The following PAK2 variants were observed in gnomAD, a reference collection of about 807,000 sequenced individuals.
PAK2 encodes p21 (RAC1) activated kinase 2, also known as serine/threonine-protein kinase PAK 2.
A neutral mutation model predicts 65.9 loss-of-function variants in PAK2; 21 were observed. That is an observed-to-expected ratio of 0.32 (90% confidence interval 0.23 to 0.46). The LOEUF (loss-of-function observed/expected upper bound fraction) is 0.46, where lower values mean the gene tolerates loss of function less well. Ranked by LOEUF, PAK2 falls within the 20% of genes least tolerant of loss-of-function variation. The pLI, the probability that PAK2 is intolerant of heterozygous loss-of-function variation, is 1.00. For synonymous variants in PAK2, 204 were observed against 219.7 expected (o/e 0.93, Z 0.63); for missense variants, 324 against 642.6 (o/e 0.50, Z 5.36).
intron 13 of PAK2, among the ~76,000 whole-genome samples, chr3:196,824,699 A>C (rs1711771061): frequency 6.6e-6 from 1 of 152,050 alleles, no homozygotes; most frequent in Non-Finnish European, 1.5e-5. Flanking sequence ...CCCATGGAAC[A>C]ACTAGGCACG....
intron 1 of PAK2, among the ~76,000 whole-genome samples, chr3:196,776,346 G>A (rs932748717): frequency 6.6e-6 from 1 of 152,214 alleles, no homozygotes; most frequent in East Asian, 1.9e-4. Flanking sequence ...GCGTACCAAA[G>A]TATGAACCGT....
At chr3:196,764,806 A>G (rs1714101160) in intron 1 of PAK2, among the ~76,000 whole-genome samples, 1 of 149,754 alleles carries the variant, frequency 6.7e-6, no homozygotes, top group Non-Finnish European at 1.5e-5. Flanking sequence ...GCTGTGAGTC[A>G]CTGCACCGAC....
At chr3:196,823,754 C>T (rs995357250) in intron 13 of PAK2, among the ~76,000 whole-genome samples, 6 of 147,160 alleles carry the variant, frequency 4.1e-5, no homozygotes, top group African/African-American at 7.6e-5. Context: ...CCCAGCTACT[C>T]GAGAGGCTGA....
intron 13 of PAK2, among the ~76,000 whole-genome samples, chr3:196,825,621 C>T (rs956861654): frequency 6.6e-6 from 1 of 151,910 alleles, no homozygotes; most frequent in African/African-American, 2.4e-5. Flanking sequence ...CCAGCCTGGG[C>T]CACAGAGCCA....
At chr3:196,759,227 G>C (rs528602277) in intron 1 of PAK2, among the ~76,000 whole-genome samples, 3 of 152,250 alleles carry the variant, frequency 2.0e-5, no homozygotes, top group African/African-American at 7.2e-5. Flanking sequence ...TCCCAGTGAT[G>C]CTTCCACTCT....
At position 196,832,243 on chromosome 3, in the gene PAK2, A is replaced by G. The variant is rs974169563; in HGVS notation, c.*3838A>G. On this transcript the variant is annotated 3_prime_UTR_variant, in exon 15 of 15. Coordinates refer to ENST00000327134, the MANE Select transcript of PAK2 (RefSeq NM_002577.4). ...TAAGAGAACAGAAGTAATAAGAGAAACAGTTACGTGTGGAATTCAACATCT... is the reference window on the plus strand; with the variant it reads ...TAAGAGAACAGAAGTAATAAGAGAAGCAGTTACGTGTGGAATTCAACATCT... 3 of 152,152 alleles carry G rather than the reference A, an allele frequency of 2.0e-5. No individual in the cohort carries two copies. The highest frequency in any genetic ancestry group is 7.2e-5 in the African/African-American group (3 of 41,452). 9.4% of individuals were successfully genotyped at this position (152,152 alleles called of 1,614,324 possible).
chr3:196,811,590 T>C (rs911133830), intron 8 of PAK2, among the ~76,000 whole-genome samples: 2 of 151,344 alleles, frequency 1.3e-5, no homozygotes, highest in Admixed American at 6.6e-5. Flanking sequence ...GCACTGGTTT[T>C]ATGAAAGAGA....
At chr3:196,800,936 T>C (rs1358379910) in intron 2 of PAK2, among the ~76,000 whole-genome samples, 4 of 151,936 alleles carry the variant, frequency 2.6e-5, no homozygotes, top group Non-Finnish European at 5.9e-5. Context: ...AGGCATGAGC[T>C]ACTGCAGATT....
intron 1 of PAK2, among the ~76,000 whole-genome samples, chr3:196,768,810 C>T (rs968736730): frequency 1.3e-4 from 19 of 151,880 alleles, no homozygotes; most frequent in Admixed American, 8.5e-4. Flanking sequence ...GGATTACAGA[C>T]GCGTCTCATC....
chr3:196,822,898 C>T (rs1207008565), intron 13 of PAK2, among the ~76,000 whole-genome samples: 9 of 148,924 alleles, frequency 6.0e-5, no homozygotes, highest in Admixed American at 5.3e-4. Flanking sequence ...TTCTGGACCT[C>T]AGCACAGCTG....
intron 13 of PAK2, among the ~76,000 whole-genome samples, chr3:196,821,185 G>T (rs1304060193): frequency 1.3e-5 from 2 of 151,922 alleles, no homozygotes; most frequent in Non-Finnish European, 2.9e-5. Flanking sequence ...AACATTATCA[G>T]TTATTAAGGA....
Position 196,820,459 on chromosome 3 carries a change from G to T in PAK2, c.1242G>T (p.Val414=). Residue 414 remains valine (V), a synonymous_variant, in exon 13 of 15, where the codon GTG becomes GTT. Transcript: ENST00000327134. The surrounding 1 kb of genome is among the most constrained non-coding windows in gnomAD (Gnocchi z 4.6). The stretch of plus-strand genomic sequence containing the variant: ...CGCCATACTGGATGGCACCAGAGGT[G>T]GTTACACGGAAAGCTTATGGCCCTA... The part of the protein sequence containing the change: ...VGTPYWMAPE[V]VTRKAYGPKV... 3 of 1,612,934 alleles carry T rather than the reference G, an allele frequency of 1.9e-6. No homozygotes were observed. The highest frequency in any genetic ancestry group is 2.5e-6 in the Non-Finnish European group (3 of 1,179,074).
At chr3:196,758,034 C>G (rs1713826018) in intron 1 of PAK2, among the ~76,000 whole-genome samples, 1 of 152,092 alleles carries the variant, frequency 6.6e-6, no homozygotes, top group Non-Finnish European at 1.5e-5. Context: ...AAGAAAAAAC[C>G]CTTTAATTCT....
intron 1 of PAK2, among the ~76,000 whole-genome samples, chr3:196,765,395 C>T (rs970560575): frequency 1.3e-5 from 2 of 151,934 alleles, no homozygotes; most frequent in Admixed American, 6.6e-5. Flanking sequence ...AGCAATCCCC[C>T]ACCTCCGCCT....
In PAK2 at chr3:196,792,865, T is replaced by G. The variant is rs574091924; in HGVS notation, c.188-9062T>G. On this transcript the variant is annotated intron_variant, in intron 2 of 14. Coordinates refer to ENST00000327134, the MANE Select transcript of PAK2 (RefSeq NM_002577.4). ...GAGAAAAAGAGAGGAGACAGTATTG[T>G]GAAAGAGGCTTCAGTACACATTTGG... Among the ~76,000 whole-genome samples, 2 of 152,126 alleles carry G rather than the reference T, an allele frequency of 1.3e-5. 1 individual carries two copies. The highest frequency in any genetic ancestry group is 4.2e-4 in the South Asian group (2 of 4,812).
At chr3:196,811,771 T>C (rs1029336455) in intron 8 of PAK2, among the ~76,000 whole-genome samples, 22 of 152,076 alleles carry the variant, frequency 1.4e-4, no homozygotes, top group African/African-American at 5.3e-4. Flanking sequence ...TAGGGATACA[T>C]ATCTGCGTCC....
intron 2 of PAK2, among the ~76,000 whole-genome samples, chr3:196,798,161 A>G (rs879901445): frequency 1.3e-5 from 2 of 152,188 alleles, no homozygotes; most frequent in Non-Finnish European, 2.9e-5. Context: ...CACTGCAACC[A>G]AAAGTAGATT....
intron 8 of PAK2, among the ~76,000 whole-genome samples, chr3:196,811,470 C>T (rs1458735913): frequency 2.9e-5 from 4 of 139,204 alleles, no homozygotes; most frequent in African/African-American, 1.1e-4. Flanking sequence ...CAACCTCTGC[C>T]TCCCGGGTTC....
chr3:196,785,154 G>A (rs1411207370), intron 2 of PAK2: 1 of 152,168 alleles, frequency 6.6e-6, no homozygotes, highest in Non-Finnish European at 1.5e-5. Flanking sequence ...CAATGCATTG[G>A]TGGGTTATGA....
Sources: gnomAD v4.1 joint callset for allele counts (sites outside exome capture counted in the v4.1 genomes callset) on GRCh38, gnomAD v4.1.1 for gene constraint, Gnocchi (gnomAD v3.1) non-coding constraint, MANE v1.5 for transcripts, NCBI Gene and HGNC (gene_info 2026-07-23, HGNC 2026-07-21) for gene names.